CLEC16A: variants seen among roughly 807,000 people sequenced by gnomAD.
CLEC16A encodes the protein C-type lectin domain containing 16A.
A neutral mutation model predicts 109.5 loss-of-function variants in CLEC16A; 51 were observed. That is an observed-to-expected ratio of 0.47 (90% CI 0.37 to 0.59). The LOEUF is 0.59. CLEC16A is among the 20% of genes least tolerant of loss of function. The pLI is 0.00. For missense variants in CLEC16A, 1,339 were observed against 1,394.0 expected, an observed-to-expected ratio of 0.96 and a Z score of 0.63; for synonymous variants, 673 against 564.2, an observed-to-expected ratio of 1.19 and a Z score of -2.73.
intron 10 of CLEC16A, among the ~76,000 whole-genome samples, chr16:10,984,031 C>T (rs953174516): frequency 4.6e-5 from 7 of 152,002 alleles, no homozygotes; most frequent in African/African-American, 7.2e-5. Context: ...GAGCATAGTG[C>T]GTTTTATACA....
chr16:11,039,073 C>T (rs2047178256), intron 13 of CLEC16A, among the ~76,000 whole-genome samples: 1 of 152,076 alleles, frequency 6.6e-6, no homozygotes, highest in Admixed American at 6.5e-5. Flanking sequence ...GTAGAAGGTG[C>T]GTAATACGGG....
At chr16:11,006,461 C>G (rs1416770381) in intron 11 of CLEC16A, among the ~76,000 whole-genome samples, 1 of 152,156 alleles carries the variant, frequency 6.6e-6, no homozygotes, top group African/African-American at 2.4e-5. Context: ...TTTTCTCTTC[C>G]ACATTATTTC....
Position 11,178,747 on chromosome 16 carries a change from CGCTGACTGGCAAGACACACTGGGA to C in CLEC16A, c.*60_*83del. The C allele has an allele frequency of 3.0e-6, 4 of 1,327,720 alleles. No homozygotes were observed. Among genetic ancestry groups the C allele is most frequent in the Non-Finnish European group, 4.0e-6 (4 of 1,001,074 alleles). 82.2% of individuals were successfully genotyped at this position (1,327,720 alleles called of 1,614,324 possible). On this transcript the variant is annotated 3_prime_UTR_variant, in exon 24 of 24. Coordinates refer to ENST00000409790, the MANE Select transcript of CLEC16A (RefSeq NM_015226.3). The surrounding 1 kb of genome is among the most constrained non-coding windows in gnomAD (Gnocchi z 6.5). Reference sequence around the variant, plus strand: ...GCCCCGCTGGTAGGGACCCCAGTGCCGCTGACTGGCAAGACACACTGGGAGCACCCACCATTCTGTGCGGCCCCC... The same window carrying C: ...GCCCCGCTGGTAGGGACCCCAGTGCCGCACCCACCATTCTGTGCGGCCCCC...
intron 22 of CLEC16A, among the ~76,000 whole-genome samples, chr16:11,137,038 C>T (rs2053600349): frequency 6.6e-6 from 1 of 152,162 alleles, no homozygotes; most frequent in Non-Finnish European, 1.5e-5. Context: ...TTTGGGAACC[C>T]CACATATTCT....
chr16:11,050,729 CTGAGCTCAG>C (rs971459131), intron 17 of CLEC16A, among the ~76,000 whole-genome samples: 1 of 152,228 alleles, frequency 6.6e-6, no homozygotes, highest in Admixed American at 6.5e-5. Context: ...CTTTCCTCCT[CTGAGCTCAG>C]TGTCCCTTTT....
intron 11 of CLEC16A, among the ~76,000 whole-genome samples, chr16:11,012,021 C>T (rs1042776358): frequency 6.6e-6 from 1 of 152,086 alleles, no homozygotes; most frequent in Non-Finnish European, 1.5e-5. Context: ...ATTTTCCCTC[C>T]CCCATGCCCA....
intron 14 of CLEC16A, chr16:11,041,167 C>T (rs1365408334): frequency 6.6e-6 from 1 of 152,282 alleles, no homozygotes; most frequent in Non-Finnish European, 1.5e-5. Flanking sequence ...GCTATGAGAC[C>T]TAGGACAAGT....
At chr16:11,176,566 G>A (rs569675273) in intron 23 of CLEC16A, among the ~76,000 whole-genome samples, 4 of 152,236 alleles carry the variant, frequency 2.6e-5, no homozygotes, top group South Asian at 2.1e-4. Context: ...ATGAGACCCC[G>A]TCTCTACAAA....
chr16:11,073,215 G>A (rs896029076), intron 19 of CLEC16A, among the ~76,000 whole-genome samples: 6 of 152,236 alleles, frequency 3.9e-5, no homozygotes, highest in South Asian at 2.1e-4. Context: ...CCCCACCCCC[G>A]GGGTCCCGTG....
intron 19 of CLEC16A, among the ~76,000 whole-genome samples, chr16:11,095,838 G>T (rs530389859): frequency 8.3e-5 from 12 of 145,256 alleles, no homozygotes; most frequent in East Asian, 8.0e-4. Context: ...AAAAAAAAAA[G>T]GGAGCTAGAA....
At chr16:10,957,979 G>C (rs999751409) in intron 2 of CLEC16A, 69 bp downstream of exon 2, 105 of 1,474,706 alleles carry the variant, frequency 7.1e-5, no homozygotes, top group Non-Finnish European at 8.8e-5. Context: ...TGTATACTAT[G>C]AGTCATTCTG....
chr16:10,996,527 G>A (rs931978336), intron 10 of CLEC16A, among the ~76,000 whole-genome samples: 33 of 152,214 alleles, frequency 2.2e-4, no homozygotes, highest in African/African-American at 8.0e-4. Flanking sequence ...TGAGCATGCT[G>A]CTGAAGTCCT....
chr16:10,998,084 T>G (rs2044435741), intron 10 of CLEC16A, among the ~76,000 whole-genome samples: 1 of 152,184 alleles, frequency 6.6e-6, no homozygotes, highest in Non-Finnish European at 1.5e-5. Context: ...TGCACACAGA[T>G]TCCTCCATTC....
At chr16:11,153,641 A>G (rs2054383951) in intron 22 of CLEC16A, among the ~76,000 whole-genome samples, 1 of 151,530 alleles carries the variant, frequency 6.6e-6, no homozygotes, top group Non-Finnish European at 1.5e-5. Context: ...TTCTTGACGC[A>G]CATTATAGAA....
chr16:10,997,384 A>G (rs1347489883), intron 10 of CLEC16A, among the ~76,000 whole-genome samples: 1 of 152,260 alleles, frequency 6.6e-6, no homozygotes, highest in African/African-American at 2.4e-5. Context: ...ATTCGAGTCA[A>G]GATGGAAAAC....
Position 11,055,224 on chromosome 16 carries a change from T to G in CLEC16A, c.1995+3583T>G, listed in dbSNP as rs533235702. On this transcript the variant is annotated intron_variant, in intron 18 of 23. Transcript: ENST00000409790. ...ATTAACAAGTAAGAGAATAGCAGGT[T>G]GGGTATCAACTCACAGTCAGAGCTC... 3.9e-5 allele frequency among the ~76,000 whole-genome samples: 6 copies of G among 152,320 alleles called. No homozygotes were observed. The East Asian group carries it at 1.2e-3, about 29-fold the overall frequency.
intron 9 of CLEC16A, among the ~76,000 whole-genome samples, chr16:10,980,284 C>G (rs1267152526): frequency 6.6e-6 from 1 of 152,188 alleles, no homozygotes; most frequent in African/African-American, 2.4e-5. Context: ...GCCCAGAGTC[C>G]TATTCTGGGG....
chr16:11,137,315 T>G (rs2053614756), intron 22 of CLEC16A, among the ~76,000 whole-genome samples: 1 of 152,146 alleles, frequency 6.6e-6, no homozygotes, highest in Non-Finnish European at 1.5e-5. Flanking sequence ...GAAAAATTCC[T>G]AGCCCTTAAT....
At chr16:11,135,327 C>T (rs932328107) in intron 22 of CLEC16A, among the ~76,000 whole-genome samples, 1 of 152,208 alleles carries the variant, frequency 6.6e-6, no homozygotes, top group Non-Finnish European at 1.5e-5. Context: ...TGGGCTCACA[C>T]AGCCAGAGAA....
Sources: gnomAD v4.1 joint callset for allele counts (sites outside exome capture counted in the v4.1 genomes callset) on GRCh38, gnomAD v4.1.1 for gene constraint, Gnocchi (gnomAD v3.1) non-coding constraint, MANE v1.5 for transcripts, NCBI Gene and HGNC (gene_info 2026-07-23, HGNC 2026-07-21) for gene names.